Variants in SLIT3 observed in about 807,000 individuals in gnomAD.
The protein encoded by SLIT3 is slit homolog 3 protein.
A neutral mutation model predicts 184.0 loss-of-function variants in SLIT3; 68 were observed. The observed-to-expected ratio is 0.37, with a 90% CI of 0.30 to 0.45. The LOEUF (loss-of-function observed/expected upper bound fraction) is 0.45. SLIT3 is among the 20% of genes least tolerant of loss of function. The pLI, the probability that SLIT3 is intolerant of heterozygous loss-of-function variation, is 1.00. For synonymous variants in SLIT3, 831 were observed against 828.6 expected (o/e 1.00, Z -0.05); for missense variants, 1,707 against 2,026.0 (o/e 0.84, Z 3.02).
intron 12 of SLIT3, among the ~76,000 whole-genome samples, chr5:168,783,010 C>A (rs1756027856): frequency 6.6e-6 from 1 of 152,202 alleles, no homozygotes; most frequent in Non-Finnish European, 1.5e-5. Flanking sequence ...AAAGAGCTTT[C>A]TAACCTTCCA....
intron 29 of SLIT3, 66 bp from the exon 30 acceptor site, chr5:168,687,182 A>G: frequency 6.3e-7 from 1 of 1,578,906 alleles, no homozygotes; most frequent in Non-Finnish European, 8.7e-7. Flanking sequence ...GTCACTCTCC[A>G]GCCCCCCTCA....
chr5:168,921,552 T>C lies in SLIT3; in HGVS notation c.414-38216A>G, dbSNP rs573462788. On this transcript the variant is annotated intron_variant, in intron 4 of 35. Coordinates refer to ENST00000519560, the MANE Select transcript of SLIT3 (RefSeq NM_003062.4). ...AAATGAGCGCATTAGTTCTCTTTTA[T>C]TAAAAGAGTTATTTCAGCATGACAT... Among the ~76,000 whole-genome samples, 6 of 152,336 alleles carry C rather than the reference T, an allele frequency of 3.9e-5. No individual in the cohort carries two copies. In the South Asian group the frequency reaches 1.2e-3, roughly 32 times the overall value.
intron 11 of SLIT3, among the ~76,000 whole-genome samples, chr5:168,788,443 T>C (rs1198575714): frequency 6.6e-6 from 1 of 152,158 alleles, no homozygotes; most frequent in Non-Finnish European, 1.5e-5. Flanking sequence ...ACAGGTTGCA[T>C]AGCTGCACGG....
At chr5:168,674,375 G>T (rs371230585) in intron 32 of SLIT3, among the ~76,000 whole-genome samples, 4 of 152,070 alleles carry the variant, frequency 2.6e-5, no homozygotes, top group African/African-American at 9.7e-5. Context: ...ATGCTTGAAG[G>T]AAATGCTCAT....
intron 4 of SLIT3, among the ~76,000 whole-genome samples, chr5:168,887,774 A>G (rs1419580179): frequency 6.6e-6 from 1 of 152,160 alleles, no homozygotes. Context: ...CAGCACCTAG[A>G]ACACCGTAGG....
At chr5:169,220,552 A>C (rs1221615304) in intron 3 of SLIT3, among the ~76,000 whole-genome samples, 1 of 152,142 alleles carries the variant, frequency 6.6e-6, no homozygotes, top group Non-Finnish European at 1.5e-5. Context: ...TCTCTCTCAT[A>C]AGTTTGTATA....
chr5:168,739,488 T>A lies in SLIT3; in HGVS notation c.2270+8814A>T, dbSNP rs143179116. ...CCCAGGCTGGAGTGCAACGGCGCAA[T>A]CTCAGCTCACCACAACCTCTGCCTC... On this transcript the variant is annotated intron_variant, in intron 20 of 35. Coordinates refer to ENST00000519560, the MANE Select transcript of SLIT3 (RefSeq NM_003062.4). Among the ~76,000 whole-genome samples, 65 of 151,578 alleles carry A rather than the reference T, an allele frequency of 4.3e-4. No individual in the cohort carries two copies. The East Asian group carries it at 0.011, about 25-fold the overall frequency.
chr5:169,141,625 G>C (rs1200291905), intron 4 of SLIT3, among the ~76,000 whole-genome samples: 2 of 151,796 alleles, frequency 1.3e-5, no homozygotes, highest in Non-Finnish European at 2.9e-5. Context: ...TGTAGTCCCA[G>C]CTACTCTGGA....
intron 1 of SLIT3, among the ~76,000 whole-genome samples, chr5:169,290,374 C>T (rs1172413371): frequency 1.3e-5 from 2 of 150,216 alleles, no homozygotes; most frequent in Non-Finnish European, 3.0e-5. Context: ...AGTACATGTG[C>T]TAGGGCACAC....
At position 169,205,064 on chromosome 5, in the gene SLIT3, G is replaced by C. The variant is rs1407188137; in HGVS notation, c.342-11514C>G. Among the ~76,000 whole-genome samples, 3 of 152,182 alleles carry C rather than the reference G, an allele frequency of 2.0e-5. 1 individual carries two copies. In the East Asian group the frequency reaches 5.8e-4, roughly 29 times the overall value. ...CCCAGGAATTGAGGGAATGTGCTGA[G>C]AGCAATTATGAAAATGAGCCATGAA... On this transcript the variant is annotated intron_variant, in intron 3 of 35. Transcript: ENST00000519560.
intron 4 of SLIT3, among the ~76,000 whole-genome samples, chr5:169,157,247 T>C (rs942451316): frequency 5.0e-5 from 7 of 140,778 alleles, no homozygotes; most frequent in African/African-American, 2.0e-4. Context: ...AAGGTACCCC[T>C]CCCCTGTGAC....
At chr5:169,189,513 T>C in intron 4 of SLIT3, among the ~76,000 whole-genome samples, 1 of 133,042 alleles carries the variant, frequency 7.5e-6, no homozygotes, top group African/African-American at 2.9e-5. Flanking sequence ...CAGTACTGCT[T>C]CTTAGATAGA....
intron 4 of SLIT3, among the ~76,000 whole-genome samples, chr5:168,984,963 T>C (rs1755074695): frequency 6.6e-6 from 1 of 152,182 alleles, no homozygotes; most frequent in Non-Finnish European, 1.5e-5. Context: ...TGAGAAGTAA[T>C]GATCCAGAAA....
intron 3 of SLIT3, among the ~76,000 whole-genome samples, chr5:169,242,745 C>A (rs1765444488): frequency 1.3e-5 from 2 of 151,086 alleles, no homozygotes; most frequent in Non-Finnish European, 2.9e-5. Context: ...GCTAGCATTA[C>A]CCCACCTAAT....
intron 4 of SLIT3, among the ~76,000 whole-genome samples, chr5:169,115,683 T>G (rs1346698009): frequency 6.6e-6 from 1 of 152,204 alleles, no homozygotes; most frequent in Non-Finnish European, 1.5e-5. Context: ...CTGAGCACTA[T>G]GCCAAGTGTA....
At chr5:169,117,316 G>A (rs968372970) in intron 4 of SLIT3, among the ~76,000 whole-genome samples, 1 of 152,164 alleles carries the variant, frequency 6.6e-6, no homozygotes, top group African/African-American at 2.4e-5. Context: ...AGCCAAACTG[G>A]AAGTGAGTGA....
rs536046386 is a variant in SLIT3 at position 169,223,442 on chromosome 5, G to A, written c.341+21263C>T. Among the ~76,000 whole-genome samples, 47 of 152,284 alleles carry A rather than the reference G, an allele frequency of 3.1e-4. 1 individual carries two copies. The South Asian group carries it at 6.8e-3, about 22-fold the overall frequency. ...AATTCATGTGCTCTTCCTCTATGGC[G>A]TTTAGCAGCGTAGGTGTCCTGCCAA... On this transcript the variant is annotated intron_variant, in intron 3 of 35. Transcript: ENST00000519560.
At chr5:168,986,919 G>A (rs1379956055) in intron 4 of SLIT3, among the ~76,000 whole-genome samples, 7 of 152,172 alleles carry the variant, frequency 4.6e-5, no homozygotes, top group African/African-American at 7.2e-5. Context: ...GTGGTGGCAC[G>A]CACCTTTAAT....
chr5:169,162,559 C>G (rs1762513513), intron 4 of SLIT3, among the ~76,000 whole-genome samples: 2 of 152,174 alleles, frequency 1.3e-5, no homozygotes, highest in African/African-American at 4.8e-5. Flanking sequence ...AGCATATTCC[C>G]TAATTATCAA....
Sources: gnomAD v4.1 joint callset for allele counts (sites outside exome capture counted in the v4.1 genomes callset) on GRCh38, gnomAD v4.1.1 for gene constraint, MANE v1.5 for transcripts, NCBI Gene and HGNC (gene_info 2026-07-23, HGNC 2026-07-21) for gene names.